PLEK: variants seen among roughly 807,000 people sequenced by gnomAD.
The protein encoded by PLEK is platelet 47 kDa protein.
A neutral mutation model predicts 43.9 loss-of-function variants in PLEK; 25 were observed. The ratio of observed to expected loss-of-function variants is 0.57; its 90% confidence interval spans 0.41 to 0.79. The LOEUF (loss-of-function observed/expected upper bound fraction) is 0.79. PLEK is among the 30% of genes least tolerant of loss of function. PLEK has a pLI of 0.00. For synonymous variants in PLEK, 152 were observed against 144.4 expected (o/e 1.05, Z -0.38); for missense variants, 396 against 413.3 (o/e 0.96, Z 0.36).
chr2:68,385,762 T>G (rs1673728879), intron 4 of PLEK, among the ~76,000 whole-genome samples: 1 of 152,210 alleles, frequency 6.6e-6, no homozygotes, highest in African/African-American at 2.4e-5. Flanking sequence ...ATGAATCTTT[T>G]CCTGATGGTG....
At chr2:68,371,664 T>G (rs1673407261) in intron 1 of PLEK, among the ~76,000 whole-genome samples, 1 of 152,108 alleles carries the variant, frequency 6.6e-6, no homozygotes, top group African/African-American at 2.4e-5. Context: ...AGTGGCAGAG[T>G]TGGGATTTGA....
intron 3 of PLEK, among the ~76,000 whole-genome samples, chr2:68,381,918 G>C (rs1673626436): frequency 6.6e-6 from 1 of 152,208 alleles, no homozygotes; most frequent in Non-Finnish European, 1.5e-5. Flanking sequence ...AAATGCTCGG[G>C]CTATAGGGAG....
chr2:68,380,293 C>T (rs1673586718), intron 1 of PLEK, 35 bp from the exon 2 acceptor site: 2 of 1,566,376 alleles, frequency 1.3e-6, no homozygotes, highest in South Asian at 2.3e-5. Flanking sequence ...TGCAAAGAGC[C>T]CTGTCCATCT....
At chr2:68,390,563 T>C (rs17035409) in intron 6 of PLEK, among the ~76,000 whole-genome samples, 25,440 of 152,182 alleles carry the variant, frequency 0.17, 2,737 homozygotes, top group African/African-American at 0.31. Context: ...TCGATTTGAA[T>C]TGACACTTCC....
intron 1 of PLEK, among the ~76,000 whole-genome samples, chr2:68,374,009 T>C (rs1265646918): frequency 6.6e-6 from 1 of 152,220 alleles, no homozygotes; most frequent in Non-Finnish European, 1.5e-5. Context: ...AGGAAACTAG[T>C]ACCATTATTC....
intron 8 of PLEK, among the ~76,000 whole-genome samples, chr2:68,394,950 C>T (rs956452521): frequency 6.6e-6 from 1 of 152,090 alleles, no homozygotes; most frequent in African/African-American, 2.4e-5. Context: ...TTTTACTGTG[C>T]CTGAATTTGC....
chr2:68,381,175 G>A (rs1437553574), intron 3 of PLEK, among the ~76,000 whole-genome samples: 1 of 152,020 alleles, frequency 6.6e-6, no homozygotes, highest in Non-Finnish European at 1.5e-5. Flanking sequence ...CATCATCATT[G>A]CATTTATAAC....
chr2:68,386,794 A>G, intron 5 of PLEK, 108 bp downstream of exon 5: 1 of 792,536 alleles, frequency 1.3e-6, no homozygotes, highest in Non-Finnish European at 2.1e-6. Flanking sequence ...GGCAGCGGGT[A>G]GGGAGGTCAG....
chr2:68,380,670 G>T (rs150499973), intron 2 of PLEK, 53 bp from the exon 3 acceptor site: 3 of 1,573,244 alleles, frequency 1.9e-6, no homozygotes, highest in East Asian at 2.2e-5. Context: ...TTCATGAGGG[G>T]CCCCAAGCCC....
chr2:68,394,056 A>G (rs769565367), intron 7 of PLEK, 51 bp from the exon 8 acceptor site: 11 of 1,178,092 alleles, frequency 9.3e-6, no homozygotes, highest in Admixed American at 1.7e-5. Flanking sequence ...GATGAGGTCT[A>G]TCTATACTCT....
intron 1 of PLEK, among the ~76,000 whole-genome samples, chr2:68,374,754 T>C (rs964648928): frequency 2.0e-5 from 3 of 152,200 alleles, no homozygotes; most frequent in African/African-American, 7.2e-5. Flanking sequence ...AATGTAATCA[T>C]ACTCTAAGCA....
rs754319998 is a variant in PLEK, at chr2:68,386,470, G to A, written c.473-32G>A. ...TCAGGGGCTTGTTCTTCGGTAAGGA[G>A]AGTTAACCTTCCCTGTGCTGGTCCC... On this transcript the variant is annotated intron_variant, in intron 4 of 8. Transcript: ENST00000234313. 7.0e-6 allele frequency: 11 copies of A among 1,579,912 alleles called. No individual in the cohort carries two copies. In the East Asian group the frequency reaches 2.0e-4, roughly 29 times the overall value.
intron 8 of PLEK, 103 bp from the exon 9 acceptor site, chr2:68,395,577 T>C: frequency 7.9e-7 from 1 of 1,258,670 alleles, no homozygotes; most frequent in Non-Finnish European, 1.2e-6. Context: ...TCAATTTCCT[T>C]AGAACACGAA....
At chr2:68,395,350 T>A (rs1448438456) in intron 8 of PLEK, among the ~76,000 whole-genome samples, 1 of 151,962 alleles carries the variant, frequency 6.6e-6, no homozygotes, top group Non-Finnish European at 1.5e-5. Context: ...CTATTAGAGG[T>A]TACTCATTAA....
intron 1 of PLEK, among the ~76,000 whole-genome samples, chr2:68,379,133 C>CA (rs1331914668): frequency 2.6e-5 from 4 of 151,078 alleles, no homozygotes; most frequent in African/African-American, 9.8e-5. Context: ...GAACCTGTCT[C>CA]AAAAAAATAA....
chr2:68,387,168 G>C (rs773661403), intron 5 of PLEK, among the ~76,000 whole-genome samples: 1 of 152,072 alleles, frequency 6.6e-6, no homozygotes, highest in Non-Finnish European at 1.5e-5. Flanking sequence ...ACCACACTCA[G>C]CTAATTTTCG....
intron 1 of PLEK, among the ~76,000 whole-genome samples, chr2:68,372,892 A>C (rs1225181923): frequency 2.6e-5 from 4 of 152,188 alleles, no homozygotes; most frequent in African/African-American, 9.7e-5. Context: ...AAAATTGAGA[A>C]TCAGGAGACA....
chr2:68,385,166 C>T (rs1420400542), intron 4 of PLEK, among the ~76,000 whole-genome samples: 1 of 152,192 alleles, frequency 6.6e-6, no homozygotes. Flanking sequence ...TTATGGGGCA[C>T]AATTAATGTT....
intron 1 of PLEK, among the ~76,000 whole-genome samples, chr2:68,379,617 G>T (rs113793744): frequency 6.6e-6 from 1 of 152,148 alleles, no homozygotes; most frequent in Non-Finnish European, 1.5e-5. Context: ...TTTCTGTGAG[G>T]TGGGTCCTTT....
Sources: allele counts gnomAD v4.1 joint callset (sites outside exome capture counted in the v4.1 genomes callset), GRCh38; gene constraint gnomAD v4.1.1; transcripts MANE v1.5; gene names NCBI Gene and HGNC (gene_info 2026-07-23, HGNC 2026-07-21).